The following DPF3 variants were observed in gnomAD, a reference collection of about 807,000 sequenced individuals.
The protein encoded by DPF3 is zinc finger protein DPF3.
Under a neutral mutation model 56.8 loss-of-function variants are expected in DPF3, and 18 were observed. That is an observed-to-expected ratio of 0.32 (90% CI 0.22 to 0.47). The LOEUF is 0.47. DPF3 is among the 20% of genes least tolerant of loss of function. The probability of loss-of-function intolerance (pLI) is 1.00; values close to 1 mark genes in which losing one functional copy is unlikely to be tolerated. For synonymous variants in DPF3, 188 were observed against 180.2 expected (o/e 1.04, Z -0.35); for missense variants, 403 against 488.8 (o/e 0.82, Z 1.65).
At chr14:72,803,359 T>C (rs1892962956) in intron 1 of DPF3, among the ~76,000 whole-genome samples, 1 of 152,124 alleles carries the variant, frequency 6.6e-6, no homozygotes, top group Non-Finnish European at 1.5e-5. Context: ...GTCAAAAACA[T>C]GTCTAAGCGT....
chr14:72,784,748 C>T (rs967696702), intron 1 of DPF3, among the ~76,000 whole-genome samples: 2 of 151,992 alleles, frequency 1.3e-5, no homozygotes, highest in African/African-American at 2.4e-5. Context: ...TGCTTGAGAC[C>T]AGGAGTTCAA....
chr14:72,709,729 C>T (rs541177881), intron 6 of DPF3, among the ~76,000 whole-genome samples: 1 of 152,068 alleles, frequency 6.6e-6, no homozygotes, highest in South Asian at 2.1e-4. Context: ...AGCTGTGTGA[C>T]CATGGACAAG....
At chr14:72,702,610 G>A (rs1210081697) in intron 6 of DPF3, among the ~76,000 whole-genome samples, 27 of 152,132 alleles carry the variant, frequency 1.8e-4, no homozygotes, top group African/African-American at 5.5e-4. Flanking sequence ...ACCTCCCAAC[G>A]ACCCTCCATC....
At chr14:72,674,668 G>A (rs1029596827) in intron 7 of DPF3, among the ~76,000 whole-genome samples, 2 of 152,210 alleles carry the variant, frequency 1.3e-5, no homozygotes, top group Non-Finnish European at 2.9e-5. Flanking sequence ...AAGAGGTACT[G>A]GTCAAGTGAA....
At chr14:72,672,764 A>C (rs1886745533) in intron 8 of DPF3, among the ~76,000 whole-genome samples, 1 of 152,200 alleles carries the variant, frequency 6.6e-6, no homozygotes, top group African/African-American at 2.4e-5. Context: ...TGCAATGAGA[A>C]TTCTGAAGCT....
At chr14:72,703,709 G>GT (rs1482533562) in intron 6 of DPF3, among the ~76,000 whole-genome samples, 3 of 152,174 alleles carry the variant, frequency 2.0e-5, no homozygotes, top group Non-Finnish European at 4.4e-5. Context: ...GGCAATAACA[G>GT]TTTGTAGCTC....
At chr14:72,645,766 A>G (rs2803971) in intron 8 of DPF3, among the ~76,000 whole-genome samples, 44,432 of 151,248 alleles carry the variant, frequency 0.29, 7,396 homozygotes, top group African/African-American at 0.46. Context: ...AGTATTTGCC[A>G]CATCCCACAC....
chr14:72,619,400 C>T (rs967538294), intron 10 of DPF3, 33 bp from the exon 11 acceptor site: 22 of 1,531,746 alleles, frequency 1.4e-5, no homozygotes, highest in Admixed American at 5.9e-5. Flanking sequence ...AGTAGCAGCC[C>T]CTCTGCTAAC....
At chr14:72,620,496 C>T (rs1363258867) in intron 9 of DPF3, among the ~76,000 whole-genome samples, 1 of 152,204 alleles carries the variant, frequency 6.6e-6, no homozygotes, top group Non-Finnish European at 1.5e-5. Flanking sequence ...GTAGCGCCAT[C>T]CCTCGGCTTC....
In DPF3 at chr14:72,774,710, G is replaced by A. The variant is rs75669879; in HGVS notation, c.33-2817C>T. ...CACATTCATAAGGGAGGCATAATAC[G>A]CTCAGAAAGTGTCCTGGCAGTTGCA... On this transcript the variant is annotated intron_variant, in intron 1 of 10. Transcript: ENST00000556509. 1.4e-3 allele frequency among the ~76,000 whole-genome samples: 215 copies of A among 152,140 alleles called. 1 individual carries two copies. The highest frequency in any genetic ancestry group is 6.8e-3 in the Middle Eastern group (2 of 294).
At chr14:72,813,190 G>T (rs1883135216) in intron 1 of DPF3, among the ~76,000 whole-genome samples, 1 of 152,172 alleles carries the variant, frequency 6.6e-6, no homozygotes, top group Non-Finnish European at 1.5e-5. Context: ...TTTTGAGAGA[G>T]TCAGGAGAGG....
intron 1 of DPF3, among the ~76,000 whole-genome samples, chr14:72,810,541 G>A (rs959536608): frequency 6.6e-6 from 1 of 152,140 alleles, no homozygotes; most frequent in Non-Finnish European, 1.5e-5. Context: ...GTTAGAACTG[G>A]TGCAGCAGCT....
intron 1 of DPF3, among the ~76,000 whole-genome samples, chr14:72,823,858 G>A (rs1226251094): frequency 2.0e-5 from 3 of 152,172 alleles, no homozygotes; most frequent in Non-Finnish European, 4.4e-5. Context: ...TGAGAAATAG[G>A]GAGAGGCTGA....
intron 3 of DPF3, among the ~76,000 whole-genome samples, chr14:72,740,476 T>C (rs374581056): frequency 2.8e-4 from 42 of 152,270 alleles, no homozygotes; most frequent in African/African-American, 9.6e-4. Flanking sequence ...GGTACTAATA[T>C]TGTGGTTCTC....
In DPF3 at chr14:72,741,617, C is replaced by T. The variant is rs559791550; in HGVS notation, c.302-9683G>A. Among the ~76,000 whole-genome samples, 178 of 152,362 alleles carry T rather than the reference C, an allele frequency of 1.2e-3. 2 individuals are homozygous for T. Among genetic ancestry groups the T allele is most frequent in the Non-Finnish European group, 1.2e-4 (8 of 68,034 alleles). ...GAAGCAGAGATGATGAGAGCTAAGT[C>T]ATGTTCTCCAAGGTTAAGATCAAAC... On this transcript the variant is annotated intron_variant, in intron 3 of 10. Transcript: ENST00000556509.
intron 7 of DPF3, among the ~76,000 whole-genome samples, chr14:72,680,958 C>T (rs1039151524): frequency 2.0e-5 from 3 of 152,236 alleles, no homozygotes; most frequent in Non-Finnish European, 2.9e-5. Flanking sequence ...GTTTTCCACA[C>T]CCAGAGGAAC....
At chr14:72,770,546 T>C (rs1456211891) in intron 2 of DPF3, among the ~76,000 whole-genome samples, 1 of 152,236 alleles carries the variant, frequency 6.6e-6, no homozygotes, top group African/African-American at 2.4e-5. Context: ...CATTTAGAGA[T>C]ACATAACAAA....
In DPF3 at chr14:72,874,222, T is replaced by C. The variant is rs148871877; in HGVS notation, c.32+19835A>G. Among the ~76,000 whole-genome samples, 25 of 150,866 alleles carry C rather than the reference T, an allele frequency of 1.7e-4. No individual in the cohort carries two copies. In the East Asian group the frequency reaches 4.3e-3, roughly 26 times the overall value. The stretch of plus-strand genomic sequence containing the variant: ...AGCCAGGTGGAGTGGCTCACACCTA[T>C]AATCCCAGCACTTTGGGAGGCCAAG... On this transcript the variant is annotated intron_variant, in intron 1 of 10. Coordinates refer to ENST00000556509, the MANE Select transcript of DPF3 (RefSeq NM_001280542.3).
intron 3 of DPF3, among the ~76,000 whole-genome samples, chr14:72,742,095 C>T (rs890034985): frequency 4.6e-5 from 7 of 152,238 alleles, no homozygotes; most frequent in African/African-American, 4.8e-5. Flanking sequence ...CCTTCCAGCA[C>T]GTAATAGCCA....
Sources: allele counts gnomAD v4.1 joint callset (sites outside exome capture counted in the v4.1 genomes callset), GRCh38; gene constraint gnomAD v4.1.1; transcripts MANE v1.5; gene names NCBI Gene and HGNC (gene_info 2026-07-23, HGNC 2026-07-21).